KCNN2: variants seen among roughly 807,000 people sequenced by gnomAD.
KCNN2 encodes the protein potassium calcium-activated channel subfamily N member 2, also known as small conductance calcium-activated potassium channel protein 2.
A neutral mutation model predicts 55.5 loss-of-function variants in KCNN2; 24 were observed. The observed-to-expected ratio is 0.43, with a 90% CI of 0.31 to 0.61. The LOEUF is 0.61. KCNN2 is among the 20% of genes least tolerant of loss of function. The pLI, the probability that KCNN2 is intolerant of heterozygous loss-of-function variation, is 0.08. For synonymous variants in KCNN2, 431 were observed against 336.1 expected (o/e 1.28, Z -3.09); for missense variants, 754 against 853.6 (o/e 0.88, Z 1.45).
intron 1 of KCNN2, among the ~76,000 whole-genome samples, chr5:114,109,820 G>C (rs1751558585): frequency 6.6e-6 from 1 of 152,060 alleles, no homozygotes; most frequent in South Asian, 2.1e-4. Context: ...GTCTGTCAAG[G>C]CGTGGGGATT....
intron 1 of KCNN2, among the ~76,000 whole-genome samples, chr5:114,117,122 T>C (rs573463175): frequency 1.4e-4 from 21 of 152,290 alleles, no homozygotes; most frequent in African/African-American, 4.3e-4. Flanking sequence ...GCTTACTTTT[T>C]ACATGAGAGA....
At chr5:114,218,453 T>C (rs905398859) in intron 1 of KCNN2, among the ~76,000 whole-genome samples, 2 of 152,166 alleles carry the variant, frequency 1.3e-5, no homozygotes, top group Non-Finnish European at 2.9e-5. Context: ...TGGAGAAAAC[T>C]TAAAATGCAT....
chr5:114,099,797 A>G (rs79593705), intron 1 of KCNN2, among the ~76,000 whole-genome samples: 3,100 of 152,234 alleles, frequency 0.02, 113 homozygotes, highest in African/African-American at 0.072. Flanking sequence ...TATAATGACC[A>G]TAGGTATTAC....
At chr5:114,088,904 AGCC>A (rs1423883042) in intron 1 of KCNN2, among the ~76,000 whole-genome samples, 3 of 152,360 alleles carry the variant, frequency 2.0e-5, no homozygotes, top group Admixed American at 6.5e-5. Context: ...TACAGGCGTG[AGCC>A]ACTGCGCCCA....
rs562518388 is a variant in KCNN2 at position 114,362,501 on chromosome 5, G to A, written c.362G>A (p.Arg121Gln). The A allele has an allele frequency of 5.3e-5, 25 of 469,086 alleles. 1 individual carries two copies. The Admixed American group carries it at 8.0e-4, about 15-fold the overall frequency. The allele number at this position is 469,086 out of a possible 1,614,324, so 29.1% of individuals were successfully genotyped here. ...SCCCCCCSSR[R>Q]GSQLNVSELT... ...TGCTGCTGCTGCTGCTCGTCGCGCC[G>A]GGGCAGCCAGCTCAATGTGAGCGAG... The change falls in exon 1 of 8, where the codon CGG becomes CAG. Residue 121 changes from arginine to glutamine, a missense_variant. Arg to Gln is a conservative substitution (Grantham distance 43, BLOSUM62 1). This residue lies in a region of KCNN2 where 381 missense variants were observed against 259.1 expected (regional missense o/e 1.47). Transcript: ENST00000673685.
rs10658266 is a variant in KCNN2, at chr5:114,232,925, G to GTTTTTTTTTTTTTTTTTTTTT, written c.-185+11373_-185+11374insTTTTTTTTTTTTTTTTTTTTT. 2.5e-4 allele frequency among the ~76,000 whole-genome samples: 19 copies of GTTTTTTTTTTTTTTTTTTTTT among 76,280 alleles called. 2 individuals carry two copies. The highest frequency in any genetic ancestry group is 5.8e-4 in the East Asian group (1 of 1,722). 50.0% of individuals were successfully genotyped at this position (76,280 alleles called of 152,430 possible). ...GAGGTAATTTTTTATATTGTTTCTT[G>GTTTTTTTTTTTTTTTTTTTTT]TTTTTTTTTTTTTGAGACGGAGTCT... On this transcript the variant is annotated intron_variant, in intron 2 of 10. Transcript: ENST00000512097.
At chr5:114,266,826 T>A (rs1452128707) in intron 2 of KCNN2, among the ~76,000 whole-genome samples, 1 of 152,182 alleles carries the variant, frequency 6.6e-6, no homozygotes, top group Non-Finnish European at 1.5e-5. Flanking sequence ...CTGCTCACAG[T>A]TCCCACCAGC....
At chr5:114,364,771 T>C (rs1757552890) in intron 2 of KCNN2, among the ~76,000 whole-genome samples, 1 of 152,132 alleles carries the variant, frequency 6.6e-6, no homozygotes, top group South Asian at 2.1e-4. Flanking sequence ...TAAATTAAAA[T>C]AAGTATAGAG....
rs1013858446 is a variant in KCNN2 at position 114,252,177 on chromosome 5, C to A, written c.-185+30612C>A. 2.0e-5 allele frequency among the ~76,000 whole-genome samples: 3 copies of A among 152,048 alleles called. No individual in the cohort carries two copies. The South Asian group carries it at 6.2e-4, about 32-fold the overall frequency. ...ACAGGCATGAGCTACCATGGCCTGG[C>A]CTAGTTTTTCTGTTTCTTATGTAAT... On this transcript the variant is annotated intron_variant, in intron 2 of 10. Transcript: ENST00000512097.
intron 2 of KCNN2, among the ~76,000 whole-genome samples, chr5:114,290,269 A>G (rs1282048416): frequency 6.6e-6 from 1 of 152,160 alleles, no homozygotes; most frequent in Non-Finnish European, 1.5e-5. Context: ...CTGATTAAAT[A>G]TCTAGTTGTT....
At chr5:114,392,955 T>C (rs530984943) in intron 2 of KCNN2, among the ~76,000 whole-genome samples, 1 of 152,156 alleles carries the variant, frequency 6.6e-6, no homozygotes, top group East Asian at 1.9e-4. Context: ...AAAATGATAT[T>C]GGAAGTTCCT....
intron 2 of KCNN2, among the ~76,000 whole-genome samples, chr5:114,242,375 C>T (rs1212539625): frequency 6.6e-6 from 1 of 152,144 alleles, no homozygotes; most frequent in Admixed American, 6.6e-5. Flanking sequence ...ATATAATAGA[C>T]AATGAGTTTG....
At position 114,437,863 on chromosome 5, in the gene KCNN2, G is replaced by A. The variant is rs192162317; in HGVS notation, c.1638-25186G>A. On this transcript the variant is annotated intron_variant, in intron 3 of 7. Coordinates refer to ENST00000673685, the MANE Select transcript of KCNN2 (RefSeq NM_021614.4). ...TTTTTTCTGGATCGTCAGTAAATTT[G>A]TTTTTGGCTTTTCTAAACTTTCTTT... Among the ~76,000 whole-genome samples, 257 of 152,172 alleles carry A rather than the reference G, an allele frequency of 1.7e-3. 1 individual carries two copies. The highest frequency in any genetic ancestry group is 5.9e-3 in the African/African-American group (245 of 41,518).
intron 3 of KCNN2, among the ~76,000 whole-genome samples, chr5:114,427,594 A>C (rs1018268725): frequency 6.6e-6 from 1 of 152,260 alleles, no homozygotes; most frequent in African/African-American, 2.4e-5. Context: ...ATTTGGTGAT[A>C]AAAGCACTAT....
At chr5:114,322,678 T>G (rs1165660141) in intron 2 of KCNN2, among the ~76,000 whole-genome samples, 1 of 152,098 alleles carries the variant, frequency 6.6e-6, no homozygotes, top group African/African-American at 2.4e-5. Context: ...TGTGAAAGGT[T>G]TGAAAGCGAC....
chr5:114,180,441 A>T (rs1248211475), intron 1 of KCNN2, among the ~76,000 whole-genome samples: 1 of 152,190 alleles, frequency 6.6e-6, no homozygotes, highest in African/African-American at 2.4e-5. Context: ...TAACACTATA[A>T]AAGTGCTGAA....
intron 3 of KCNN2, among the ~76,000 whole-genome samples, chr5:114,442,255 T>C (rs1253988766): frequency 8.6e-5 from 13 of 150,486 alleles, no homozygotes; most frequent in Admixed American, 7.3e-4. Context: ...TACATATATA[T>C]ATATAATTTT....
At chr5:114,085,720 T>A (rs566597802) in intron 1 of KCNN2, among the ~76,000 whole-genome samples, 181 of 152,218 alleles carry the variant, frequency 1.2e-3, no homozygotes, top group Middle Eastern at 3.4e-3. Context: ...AGTTATTATT[T>A]TGTAAATATC....
In KCNN2 at chr5:114,363,192, C is replaced by T. The variant is rs1424939046; in HGVS notation, c.1053C>T (p.Leu351=). The T allele has an allele frequency of 2.5e-6, 4 of 1,613,310 alleles. No individual in the cohort carries two copies. In the East Asian group the frequency reaches 6.7e-5, roughly 27 times the overall value. Residue 351 remains leucine, a synonymous_variant, in exon 1 of 8, where the codon CTC becomes CTT. Coordinates refer to ENST00000673685, the MANE Select transcript of KCNN2 (RefSeq NM_021614.4). Reference sequence around the variant, plus strand: ...GCAAGCGGCTCAGCGACTACGCGCTCATCTTCGGCATGTTCGGCATCGTGG... The same window carrying T: ...GCAAGCGGCTCAGCGACTACGCGCTTATCTTCGGCATGTTCGGCATCGTGG... The part of the protein sequence containing the change: ...EKRKRLSDYA[L]IFGMFGIVVM...
Sources: allele counts gnomAD v4.1 joint callset (sites outside exome capture counted in the v4.1 genomes callset), GRCh38; gene constraint gnomAD v4.1.1; regional missense constraint gnomAD v4.1.1; transcripts MANE v1.5; gene names NCBI Gene and HGNC (gene_info 2026-07-23, HGNC 2026-07-21).